The following CSMD1 variants were observed in gnomAD, a reference collection of about 807,000 sequenced individuals.
CSMD1 encodes CUB and Sushi multiple domains 1, also known as CUB and sushi domain-containing protein 1.
Under a neutral mutation model 417.5 loss-of-function variants are expected in CSMD1, and 213 were observed. That is an observed-to-expected ratio of 0.51 (90% CI 0.46 to 0.57). The LOEUF is 0.57. CSMD1 is among the 20% of genes least tolerant of loss of function. CSMD1 has a pLI of 0.00. For missense variants in CSMD1, 6,923 were observed against 4,529.7 expected (o/e 1.53, Z -15.17); for synonymous variants, 2,862 against 1,736.8 (o/e 1.65, Z -16.11).
intron 5 of CSMD1, among the ~76,000 whole-genome samples, chr8:3,889,365 G>A (rs186207774): frequency 2.7e-5 from 4 of 147,256 alleles, no homozygotes; most frequent in Non-Finnish European, 6.0e-5. Flanking sequence ...AATTTTGCTT[G>A]TATTTTTTAA....
chr8:3,685,116 A>G (rs1227083750), intron 7 of CSMD1, among the ~76,000 whole-genome samples: 1 of 152,186 alleles, frequency 6.6e-6, no homozygotes. Context: ...TAGAAAATGC[A>G]TGGCTGGATT....
At chr8:4,619,377 G>C (rs769151439) in intron 2 of CSMD1, among the ~76,000 whole-genome samples, 1 of 152,160 alleles carries the variant, frequency 6.6e-6, no homozygotes, top group Non-Finnish European at 1.5e-5. Context: ...CTGATGTCCA[G>C]TTTTGAGTGA....
intron 25 of CSMD1, among the ~76,000 whole-genome samples, chr8:3,298,564 C>T (rs549706471): frequency 2.6e-5 from 4 of 152,304 alleles, no homozygotes; most frequent in African/African-American, 9.6e-5. Flanking sequence ...AGCAATTCTT[C>T]TGCCTCAGCC....
At chr8:4,280,605 G>A in intron 3 of CSMD1, among the ~76,000 whole-genome samples, 1 of 152,084 alleles carries the variant, frequency 6.6e-6, no homozygotes, top group East Asian at 2.0e-4. Flanking sequence ...ACTGTTTGAA[G>A]GTAAACCTAT....
chr8:3,771,790 A>G (rs770350963), intron 5 of CSMD1, among the ~76,000 whole-genome samples: 1 of 151,960 alleles, frequency 6.6e-6, no homozygotes, highest in Non-Finnish European at 1.5e-5. Flanking sequence ...GCAGGAAAGA[A>G]CTCTGGGAAC....
chr8:4,141,508 G>A (rs569575843), intron 3 of CSMD1, among the ~76,000 whole-genome samples: 1 of 151,080 alleles, frequency 6.6e-6, no homozygotes, highest in South Asian at 2.1e-4. Context: ...AATCCTGAGA[G>A]TTATTCGCTA....
intron 26 of CSMD1, among the ~76,000 whole-genome samples, chr8:3,262,976 G>C (rs1801187784): frequency 6.6e-6 from 1 of 152,276 alleles, no homozygotes; most frequent in Middle Eastern, 3.4e-3. Context: ...TATTCAAGAA[G>C]TATTATGGAC....
chr8:4,056,778 A>G (rs1798715873), intron 3 of CSMD1, among the ~76,000 whole-genome samples: 1 of 151,950 alleles, frequency 6.6e-6, no homozygotes, highest in South Asian at 2.1e-4. Context: ...GAGTGAGAAC[A>G]TGCGGTGTTT....
At chr8:4,382,246 C>T (rs562339198) in intron 3 of CSMD1, among the ~76,000 whole-genome samples, 5 of 152,278 alleles carry the variant, frequency 3.3e-5, no homozygotes, top group South Asian at 4.1e-4. Flanking sequence ...ATTACCAAAG[C>T]CATAAAGATC....
At chr8:4,168,220 T>A (rs1477722686) in intron 3 of CSMD1, among the ~76,000 whole-genome samples, 1 of 150,884 alleles carries the variant, frequency 6.6e-6, no homozygotes, top group African/African-American at 2.4e-5. Context: ...TACACACACA[T>A]ATATACACAA....
chr8:4,572,011 G>C (rs1245607134), intron 2 of CSMD1, among the ~76,000 whole-genome samples: 1 of 152,166 alleles, frequency 6.6e-6, no homozygotes, highest in East Asian at 1.9e-4. Flanking sequence ...GAGCCTATGT[G>C]TGTCTTCGCA....
At chr8:3,475,459 G>A (rs1251837699) in intron 11 of CSMD1, among the ~76,000 whole-genome samples, 1 of 152,072 alleles carries the variant, frequency 6.6e-6, no homozygotes, top group African/African-American at 2.4e-5. Flanking sequence ...GTAAATCTTA[G>A]TGTTATGTTA....
intron 5 of CSMD1, among the ~76,000 whole-genome samples, chr8:3,818,033 C>G (rs538579717): frequency 6.6e-6 from 1 of 152,300 alleles, no homozygotes; most frequent in East Asian, 1.9e-4. Flanking sequence ...CAACCCCAAA[C>G]CACGACTCTC....
intron 4 of CSMD1, among the ~76,000 whole-genome samples, chr8:4,008,479 C>A (rs1448163355): frequency 3.3e-5 from 5 of 150,796 alleles, no homozygotes; most frequent in Non-Finnish European, 7.4e-5. Context: ...AAAATTTCAG[C>A]TCTCCCTTGT....
chr8:4,833,543 T>C (rs1800279249), intron 1 of CSMD1, among the ~76,000 whole-genome samples: 1 of 152,204 alleles, frequency 6.6e-6, no homozygotes, highest in African/African-American at 2.4e-5. Context: ...ACAGTTGCTG[T>C]TAAGTAGATA....
chr8:4,989,193 G>C (rs1020228226), intron 1 of CSMD1, among the ~76,000 whole-genome samples: 1 of 152,130 alleles, frequency 6.6e-6, no homozygotes, highest in African/African-American at 2.4e-5. Context: ...AGTTCCTTGA[G>C]GATTAATTCA....
intron 7 of CSMD1, among the ~76,000 whole-genome samples, chr8:3,673,878 G>T (rs1013611786): frequency 2.6e-5 from 4 of 152,166 alleles, no homozygotes; most frequent in African/African-American, 7.2e-5. Flanking sequence ...AGCACTTTGG[G>T]AGGCCAAGGC....
At chr8:3,585,036 GTGACAAC>G (rs1203855425) in intron 9 of CSMD1, among the ~76,000 whole-genome samples, 2 of 152,126 alleles carry the variant, frequency 1.3e-5, no homozygotes, top group Admixed American at 1.3e-4. Context: ...CATTTAAGAG[GTGACAAC>G]TCGCTATCAG....
At chr8:3,386,518 T>C (rs912098120) in intron 18 of CSMD1, among the ~76,000 whole-genome samples, 2 of 152,204 alleles carry the variant, frequency 1.3e-5, no homozygotes, top group Admixed American at 6.5e-5. Flanking sequence ...GTCAAAGATT[T>C]TGAGTGATCT....
Sources: gnomAD v4.1 joint callset for allele counts (sites outside exome capture counted in the v4.1 genomes callset) on GRCh38, gnomAD v4.1.1 for gene constraint, MANE v1.5 for transcripts, NCBI Gene and HGNC (gene_info 2026-07-23, HGNC 2026-07-21) for gene names.